Variants in ALPK2 observed in about 807,000 individuals in gnomAD.
ALPK2 encodes the protein alpha-protein kinase 2.
A neutral mutation model predicts 163.1 loss-of-function variants in ALPK2; 127 were observed. The observed-to-expected ratio is 0.78, with a 90% CI of 0.67 to 0.90. ALPK2 has a LOEUF of 0.90. Among genes scored for constraint, ALPK2 ranks in the 40% least tolerant of loss-of-function variants. The pLI, the probability that ALPK2 is intolerant of heterozygous loss-of-function variation, is 0.00. For missense variants in ALPK2, 2,360 were observed against 2,589.6 expected (o/e 0.91, Z 1.92); for synonymous variants, 953 against 959.1 (o/e 0.99, Z 0.12).
chr18:58,608,605 T>C (rs1246887689), intron 2 of ALPK2, among the ~76,000 whole-genome samples: 1 of 152,188 alleles, frequency 6.6e-6, no homozygotes, highest in Non-Finnish European at 1.5e-5. Context: ...TTCTGTCTTA[T>C]TTATTGCGTG....
Position 58,525,957 on chromosome 18 carries a change from T to C in ALPK2, c.5502-1895A>G, listed in dbSNP as rs546576304. Among the ~76,000 whole-genome samples the C allele has an allele frequency of 5.1e-4, 48 of 94,476 alleles. No individual in the cohort carries two copies. The South Asian group carries it at 9.0e-3, about 18-fold the overall frequency. The allele number at this position is 94,476 out of a possible 152,430, so 62.0% of individuals were successfully genotyped here. On this transcript the variant is annotated intron_variant, in intron 6 of 12. Coordinates refer to ENST00000361673, the MANE Select transcript of ALPK2 (RefSeq NM_052947.4). ...CTGTGCTTAGTACTGGGGGATTCAA[T>C]GATGAAAAAGAAAAAAAAAAAAAAA...
intron 1 of ALPK2, among the ~76,000 whole-genome samples, chr18:58,619,398 G>T (rs1428302273): frequency 6.6e-6 from 1 of 152,170 alleles, no homozygotes; most frequent in African/African-American, 2.4e-5. Context: ...TGCTGGAGTG[G>T]AATATTCGTG....
chr18:58,527,596 A>C (rs987121650), intron 6 of ALPK2, among the ~76,000 whole-genome samples: 1 of 152,230 alleles, frequency 6.6e-6, no homozygotes, highest in Non-Finnish European at 1.5e-5. Flanking sequence ...ATGAATGGAA[A>C]AACAGTGAAA....
chr18:58,560,928 A>G (rs537134582), intron 4 of ALPK2, among the ~76,000 whole-genome samples: 1 of 152,306 alleles, frequency 6.6e-6, no homozygotes, highest in South Asian at 2.1e-4. Flanking sequence ...GGCCAGTGAG[A>G]GATTTACTTT....
intron 3 of ALPK2, 27 bp downstream of exon 3, chr18:58,607,295 A>G (rs747369370): frequency 2.0e-6 from 3 of 1,490,996 alleles, no homozygotes; most frequent in Admixed American, 3.7e-5. Flanking sequence ...ATATTAGTAA[A>G]CAGTCCACAG....
intron 5 of ALPK2, among the ~76,000 whole-genome samples, chr18:58,532,990 C>G (rs1357797432): frequency 6.6e-6 from 1 of 152,190 alleles, no homozygotes; most frequent in East Asian, 1.9e-4. Context: ...TCTTAATGGC[C>G]TCTGTGTTGT....
chr18:58,549,698 T>C (rs2051739786), intron 4 of ALPK2, among the ~76,000 whole-genome samples: 1 of 152,202 alleles, frequency 6.6e-6, no homozygotes, highest in South Asian at 2.1e-4. Flanking sequence ...GGGAGATGAG[T>C]GGAAAATAAC....
chr18:58,503,278 C>T (rs112706348), intron 11 of ALPK2, among the ~76,000 whole-genome samples: 150 of 152,292 alleles, frequency 9.8e-4, no homozygotes, highest in African/African-American at 3.4e-3. Context: ...CTTAATTTAC[C>T]TTATGGTAGA....
In ALPK2 at chr18:58,538,243, A is replaced by T. The variant is rs1359286168; in HGVS notation, c.1963-19T>A. The T allele has an allele frequency of 1.3e-6, 2 of 1,596,694 alleles. No individual in the cohort carries two copies. The highest frequency in any genetic ancestry group is 1.3e-5 in the African/African-American group (1 of 74,674). On this transcript the variant is annotated intron_variant, in intron 4 of 12. Transcript: ENST00000361673. ...CTTGTACCTAGGAAGATGAAAAGTG[A>T]TATTAGTAGAATTGTTCATGGGAGA...
intron 11 of ALPK2, among the ~76,000 whole-genome samples, chr18:58,500,167 T>C (rs1024811454): frequency 2.6e-5 from 4 of 152,020 alleles, no homozygotes; most frequent in Non-Finnish European, 4.4e-5. Context: ...ATCTCATTCT[T>C]TCAAAGCCGC....
At chr18:58,534,772 G>C in intron 5 of ALPK2, 62 bp downstream of exon 5, 1 of 1,532,072 alleles carries the variant, frequency 6.5e-7, no homozygotes. Flanking sequence ...GAGGACACAG[G>C]AACTGGATAC....
At chr18:58,511,378 A>G (rs2051489464) in intron 10 of ALPK2, among the ~76,000 whole-genome samples, 1 of 152,172 alleles carries the variant, frequency 6.6e-6, no homozygotes, top group Non-Finnish European at 1.5e-5. Context: ...CCCTGTCTTG[A>G]TAAATCAGCT....
At chr18:58,550,186 A>T (rs577653009) in intron 4 of ALPK2, among the ~76,000 whole-genome samples, 25 of 152,170 alleles carry the variant, frequency 1.6e-4, no homozygotes, top group African/African-American at 5.3e-4. Context: ...ATTTATTTTC[A>T]TCTGTTTGCT....
At chr18:58,590,943 C>T (rs2052011925) in intron 3 of ALPK2, among the ~76,000 whole-genome samples, 1 of 152,196 alleles carries the variant, frequency 6.6e-6, no homozygotes, top group Admixed American at 6.5e-5. Context: ...ACACCCGGCT[C>T]CCATGACTGC....
At chr18:58,560,252 C>A (rs9960094) in intron 4 of ALPK2, among the ~76,000 whole-genome samples, 21,763 of 152,256 alleles carry the variant, frequency 0.14, 1,814 homozygotes, top group African/African-American at 0.22. Context: ...ACTCCCTTTG[C>A]CTGCTGCCAT....
At chr18:58,626,459 A>G (rs2144247028) in intron 1 of ALPK2, among the ~76,000 whole-genome samples, 1 of 147,422 alleles carries the variant, frequency 6.8e-6, no homozygotes, top group East Asian at 2.0e-4. Flanking sequence ...TCCCGCCCCC[A>G]CCTCTCTCAA....
chr18:58,595,155 T>G (rs928583624), intron 3 of ALPK2, among the ~76,000 whole-genome samples: 30 of 152,140 alleles, frequency 2.0e-4, no homozygotes, highest in Admixed American at 3.9e-4. Context: ...GCTCTGTACT[T>G]TCACCCCTGT....
At chr18:58,562,909 G>A (rs2051832273) in intron 4 of ALPK2, among the ~76,000 whole-genome samples, 1 of 152,100 alleles carries the variant, frequency 6.6e-6, no homozygotes, top group African/African-American at 2.4e-5. Flanking sequence ...TGGTCATGGG[G>A]CCCCAGCCTC....
intron 4 of ALPK2, among the ~76,000 whole-genome samples, chr18:58,549,735 T>C (rs2051740312): frequency 6.6e-6 from 1 of 152,194 alleles, no homozygotes. Context: ...TTAAGCCTAT[T>C]CTGGTCCAAT....
Sources: gnomAD v4.1 joint callset for allele counts (sites outside exome capture counted in the v4.1 genomes callset) on GRCh38, gnomAD v4.1.1 for gene constraint, MANE v1.5 for transcripts, NCBI Gene and HGNC (gene_info 2026-07-23, HGNC 2026-07-21) for gene names.